The following PPP1R1C variants were observed in gnomAD, a reference collection of about 807,000 sequenced individuals.
PPP1R1C encodes the protein protein phosphatase 1 regulatory subunit 1C.
A neutral mutation model predicts 17.4 loss-of-function variants in PPP1R1C; 15 were observed. The ratio of observed to expected loss-of-function variants is 0.86; its 90% CI spans 0.58 to 1.33. The LOEUF is 1.33. Ranked by LOEUF, PPP1R1C falls within the 40% of genes most tolerant of loss-of-function variation. The probability of loss-of-function intolerance (pLI) is 0.00; values close to 1 mark genes in which losing one functional copy is unlikely to be tolerated. For synonymous variants in PPP1R1C, 35 were observed against 43.1 expected, an observed-to-expected ratio of 0.81 and a Z score of 0.73; for missense variants, 143 against 130.0, an observed-to-expected ratio of 1.10 and a Z score of -0.48.
In PPP1R1C at chr2:182,048,492, G is replaced by A. The variant is rs556208358; in HGVS notation, c.143-12950G>A. Among the ~76,000 whole-genome samples, 59 of 152,288 alleles carry A rather than the reference G, an allele frequency of 3.9e-4. 1 individual carries two copies. Among genetic ancestry groups the A allele is most frequent in the African/African-American group, 1.3e-3 (55 of 41,546 alleles). The stretch of plus-strand genomic sequence containing the variant: ...TTATAATTCTAATCCTCTGCTATAC[G>A]TAAGAAATACATGATAGATTTCTCT... On this transcript the variant is annotated intron_variant, in intron 2 of 4. Coordinates refer to ENST00000682840, the MANE Select transcript of PPP1R1C (RefSeq NM_001080545.3).
At chr2:181,975,234 C>T (rs1399435876) in exon 2 of PPP1R1C, 15 of 119,146 alleles carry the variant, frequency 1.3e-4, no homozygotes, top group African/African-American at 2.6e-4. Flanking sequence ...TTTCTCTCTT[C>T]AAGATTCTCT....
At position 181,962,491 on chromosome 2, in the gene PPP1R1C, G is replaced by T; in HGVS notation, n.111+7857G>T. The T allele has an allele frequency of 1.5e-6, 1 of 685,874 alleles. No individual in the cohort carries two copies. Among genetic ancestry groups the T allele is most frequent in the African/African-American group, 1.8e-5 (1 of 56,258 alleles). 42.5% of individuals were successfully genotyped at this position (685,874 alleles called of 1,614,324 possible). ...TGGTGAAGCTCATGCTATCCAGGGAGGAGAGTGAGAGGACAGGACTCAGGC... is the reference window on the plus strand; with the variant it reads ...TGGTGAAGCTCATGCTATCCAGGGATGAGAGTGAGAGGACAGGACTCAGGC... On this transcript the variant is annotated intron_variant and non_coding_transcript_variant, in intron 1 of 5. Transcript: ENST00000464264. This position sits in a 1 kb window ranked among gnomAD's most constrained non-coding sequence, Gnocchi z 6.0.
At chr2:182,068,816 G>T (rs1346194896) in intron 4 of PPP1R1C, among the ~76,000 whole-genome samples, 1 of 152,136 alleles carries the variant, frequency 6.6e-6, no homozygotes, top group Non-Finnish European at 1.5e-5. Flanking sequence ...GGGATGAGAA[G>T]GAAATCATCA....
rs956173483 is a variant in PPP1R1C at position 181,967,647 on chromosome 2, TCCTC to T, written n.112-7558_112-7555del. On this transcript the variant is annotated intron_variant and non_coding_transcript_variant, in intron 1 of 5. Transcript: ENST00000464264. The surrounding 1 kb of genome is among the most constrained non-coding windows in gnomAD (Gnocchi z 5.5). ...TTGTTATCAATTTTCCTTCCTTCCT[TCCTC>T]CCTCCCTCCCTCCTTCTCTCTCTCT... 1.2e-4 allele frequency among the ~76,000 whole-genome samples: 19 copies of T among 152,146 alleles called. 1 individual carries two copies. Among genetic ancestry groups the T allele is most frequent in the Admixed American group, 2.0e-4 (3 of 15,278 alleles).
intron 2 of PPP1R1C, among the ~76,000 whole-genome samples, chr2:182,014,182 A>T (rs767658454): frequency 6.6e-6 from 1 of 152,126 alleles, no homozygotes; most frequent in Non-Finnish European, 1.5e-5. Flanking sequence ...TCTTCTTGAG[A>T]AGGCTTTCCA....
chr2:182,045,545 G>A (rs1044667266), intron 2 of PPP1R1C, among the ~76,000 whole-genome samples: 1 of 151,652 alleles, frequency 6.6e-6, no homozygotes, highest in Non-Finnish European at 1.5e-5. Context: ...AATGTGTACA[G>A]TAACATCTTG....
chr2:182,083,042 G>A (rs1337639338), intron 4 of PPP1R1C, among the ~76,000 whole-genome samples: 2 of 152,042 alleles, frequency 1.3e-5, no homozygotes, highest in African/African-American at 4.8e-5. Context: ...TTCTTAAAGG[G>A]GCCTTAGGTG....
intron 2 of PPP1R1C, among the ~76,000 whole-genome samples, chr2:181,997,005 G>C (rs866505649): frequency 6.6e-6 from 1 of 152,070 alleles, no homozygotes; most frequent in Non-Finnish European, 1.5e-5. Flanking sequence ...CGAGGCGGGC[G>C]GATCACGAGG....
Position 181,955,331 on chromosome 2 carries a change from A to G in PPP1R1C, n.111+697A>G, listed in dbSNP as rs539117854. Among the ~76,000 whole-genome samples the G allele has an allele frequency of 2.0e-5, 3 of 152,348 alleles. No homozygotes were observed. The East Asian group carries it at 5.8e-4, about 29-fold the overall frequency. On this transcript the variant is annotated intron_variant and non_coding_transcript_variant, in intron 1 of 5. Transcript: ENST00000464264. Reference sequence around the variant, plus strand: ...CATGCTTTCAAATTGGTTGACATTTATAACTTGAAAGAGGACCATTGAAAA... The same window carrying G: ...CATGCTTTCAAATTGGTTGACATTTGTAACTTGAAAGAGGACCATTGAAAA...
intron 4 of PPP1R1C, among the ~76,000 whole-genome samples, chr2:182,086,613 G>A (rs546416081): frequency 6.6e-6 from 1 of 152,222 alleles, no homozygotes; most frequent in South Asian, 2.1e-4. Context: ...TCTGCTGTAT[G>A]ATCTCAATTT....
At chr2:182,050,967 A>T (rs747727181) in intron 2 of PPP1R1C, among the ~76,000 whole-genome samples, 1 of 152,306 alleles carries the variant, frequency 6.6e-6, no homozygotes, top group East Asian at 1.9e-4. Context: ...AATCAAACAC[A>T]TCCTGCCTTC....
chr2:182,108,686 A>AT (rs1252455645), intron 4 of PPP1R1C, among the ~76,000 whole-genome samples: 3 of 151,808 alleles, frequency 2.0e-5, no homozygotes, highest in East Asian at 1.9e-4. Flanking sequence ...TGATTATTCC[A>AT]TTTTTTCTGT....
intron 2 of PPP1R1C, 37 bp from the exon 3 acceptor site, chr2:182,061,405 T>A (rs780579049): frequency 8.3e-6 from 11 of 1,321,486 alleles, no homozygotes; most frequent in Non-Finnish European, 1.1e-5. Flanking sequence ...AGAAAGAATA[T>A]TACATGCCTA....
chr2:181,993,498 T>A (rs998008320), intron 2 of PPP1R1C, among the ~76,000 whole-genome samples: 2 of 152,148 alleles, frequency 1.3e-5, no homozygotes, highest in Non-Finnish European at 2.9e-5. Flanking sequence ...TTTTAAATGG[T>A]CTCATTTGAA....
chr2:182,121,506 T>C (rs1559101721), downstream of PPP1R1C, among the ~76,000 whole-genome samples: 1 of 152,122 alleles, frequency 6.6e-6, no homozygotes, highest in Non-Finnish European at 1.5e-5. Flanking sequence ...ATTTATTTTT[T>C]GAGATGGAGT....
chr2:182,056,008 A>G (rs1488463258), intron 2 of PPP1R1C, among the ~76,000 whole-genome samples: 5 of 152,242 alleles, frequency 3.3e-5, no homozygotes, highest in East Asian at 3.9e-4. Context: ...ATTCAATACT[A>G]TATACTTGTC....
chr2:181,982,249 AAC>A (rs1214063357), upstream of PPP1R1C, among the ~76,000 whole-genome samples: 1 of 152,190 alleles, frequency 6.6e-6, no homozygotes, highest in Admixed American at 6.5e-5. Context: ...TAACTCTAAA[AAC>A]AGTCATAAGA....
At chr2:181,960,450 A>G (rs1268866190) in intron 1 of PPP1R1C, among the ~76,000 whole-genome samples, 3 of 152,230 alleles carry the variant, frequency 2.0e-5, no homozygotes, top group Non-Finnish European at 4.4e-5. Flanking sequence ...TAAAAGAGAA[A>G]GAGTCTTGGC....
At chr2:182,078,904 A>G (rs1688393374) in intron 4 of PPP1R1C, among the ~76,000 whole-genome samples, 1 of 152,264 alleles carries the variant, frequency 6.6e-6, no homozygotes, top group Admixed American at 6.5e-5. Flanking sequence ...AATGTCAAAG[A>G]GAAATCATTT....
Sources: allele counts gnomAD v4.1 joint callset (sites outside exome capture counted in the v4.1 genomes callset), GRCh38; gene constraint gnomAD v4.1.1; non-coding constraint Gnocchi (gnomAD v3.1); transcripts MANE v1.5; gene names NCBI Gene and HGNC (gene_info 2026-07-23, HGNC 2026-07-21).